The following ZRANB3 variants were observed in gnomAD, a reference collection of about 807,000 sequenced individuals.
The protein encoded by ZRANB3 is DNA annealing helicase and endonuclease ZRANB3.
A neutral mutation model predicts 133.8 loss-of-function variants in ZRANB3; 125 were observed. The observed-to-expected ratio is 0.93, with a 90% CI of 0.81 to 1.08. ZRANB3 has a LOEUF of 1.08. ZRANB3 is among the 50% of genes least tolerant of loss of function. The pLI, the probability that ZRANB3 is intolerant of heterozygous loss-of-function variation, is 0.00. For synonymous variants in ZRANB3, 387 were observed against 432.7 expected (o/e 0.89, Z 1.31); for missense variants, 1,229 against 1,275.5 (o/e 0.96, Z 0.56).
At chr2:135,283,907 G>A (rs755202168) in intron 8 of ZRANB3, among the ~76,000 whole-genome samples, 12 of 150,796 alleles carry the variant, frequency 8.0e-5, no homozygotes, top group Non-Finnish European at 1.5e-4. Flanking sequence ...GCTTGAGCCC[G>A]GAAGTTAGAG....
Position 135,347,421 on chromosome 2 carries a change from C to T in ZRANB3, c.592-1786G>A, listed in dbSNP as rs111514094. ...CATTCTCTTGCCTCAGCCTCCCGAG[C>T]AGCTGGGACTACAGGCGCCCACCAC... On this transcript the variant is annotated intron_variant, in intron 5 of 20. Coordinates refer to ENST00000264159, the MANE Select transcript of ZRANB3 (RefSeq NM_032143.4). Among the ~76,000 whole-genome samples the T allele has an allele frequency of 3.0e-3, 452 of 151,960 alleles. 3 individuals carry two copies. Among genetic ancestry groups the T allele is most frequent in the African/African-American group, 0.01 (421 of 41,462 alleles).
At chr2:135,459,712 A>G (rs1690682276) in intron 2 of ZRANB3, among the ~76,000 whole-genome samples, 1 of 152,216 alleles carries the variant, frequency 6.6e-6, no homozygotes, top group African/African-American at 2.4e-5. Context: ...TATGAAACAA[A>G]TCTTCTAACA....
At chr2:135,504,557 T>C in intron 1 of ZRANB3, 61 bp from the exon 2 acceptor site, 1 of 1,400,726 alleles carries the variant, frequency 7.1e-7, no homozygotes, top group Non-Finnish European at 9.6e-7. Flanking sequence ...ACTAAGTATG[T>C]TACAGAATCA....
At chr2:135,245,010 G>T (rs1488761877) in intron 12 of ZRANB3, among the ~76,000 whole-genome samples, 1 of 152,154 alleles carries the variant, frequency 6.6e-6, no homozygotes, top group Non-Finnish European at 1.5e-5. Flanking sequence ...GAAAACAAGG[G>T]AAAGGATAGA....
chr2:135,401,718 TG>T (rs1049864949), intron 2 of ZRANB3, among the ~76,000 whole-genome samples: 1 of 152,228 alleles, frequency 6.6e-6, no homozygotes, highest in Admixed American at 6.5e-5. Context: ...AGCTGCTTTG[TG>T]ATCTACTAGG....
intron 16 of ZRANB3, among the ~76,000 whole-genome samples, chr2:135,217,842 C>T (rs1337863750): frequency 6.6e-6 from 1 of 152,052 alleles, no homozygotes; most frequent in African/African-American, 2.4e-5. Flanking sequence ...TAGGGTCTTG[C>T]TCTGTTGTCC....
chr2:135,226,028 G>C (rs1461367552), intron 14 of ZRANB3, among the ~76,000 whole-genome samples: 1 of 152,206 alleles, frequency 6.6e-6, no homozygotes, highest in African/African-American at 2.4e-5. Context: ...GGATGATGTG[G>C]CCTGGCCTGG....
intron 2 of ZRANB3, among the ~76,000 whole-genome samples, chr2:135,476,397 A>C (rs1691499291): frequency 6.6e-6 from 1 of 152,204 alleles, no homozygotes; most frequent in South Asian, 2.1e-4. Context: ...CATTCCAGGG[A>C]AAGAAAAGTA....
intron 2 of ZRANB3, among the ~76,000 whole-genome samples, chr2:135,452,273 T>C (rs1690311167): frequency 6.6e-6 from 1 of 152,120 alleles, no homozygotes; most frequent in Non-Finnish European, 1.5e-5. Flanking sequence ...TACCTCCCCC[T>C]GGGTCCCTCC....
intron 5 of ZRANB3, among the ~76,000 whole-genome samples, chr2:135,348,882 C>T (rs1197648118): frequency 6.6e-6 from 1 of 152,152 alleles, no homozygotes; most frequent in East Asian, 1.9e-4. Flanking sequence ...GTATGAGCTA[C>T]TGAGTCCAGC....
intron 6 of ZRANB3, among the ~76,000 whole-genome samples, chr2:135,337,678 T>G (rs1230542273): frequency 6.6e-6 from 1 of 152,190 alleles, no homozygotes; most frequent in African/African-American, 2.4e-5. Flanking sequence ...GCAAATTAAT[T>G]ATGCCCCCAG....
intron 12 of ZRANB3, among the ~76,000 whole-genome samples, chr2:135,246,563 C>A (rs1695811442): frequency 6.6e-6 from 1 of 152,158 alleles, no homozygotes; most frequent in South Asian, 2.1e-4. Context: ...CTCCCTGCTC[C>A]TTAAAGAAGG....
At chr2:135,238,393 C>CTT (rs376967394) in intron 12 of ZRANB3, among the ~76,000 whole-genome samples, 2,585 of 138,478 alleles carry the variant, frequency 0.019, 86 homozygotes, top group African/African-American at 0.062. Flanking sequence ...TGCTGTGTGA[C>CTT]TTTTTTTTTT....
At chr2:135,355,365 T>C in intron 3 of ZRANB3, 1 of 730,802 alleles carries the variant, frequency 1.4e-6, no homozygotes, top group Non-Finnish European at 1.7e-6. Flanking sequence ...CAGATCTTTT[T>C]TTTTTTTTTT....
At chr2:135,264,206 C>A (rs1425507618) in intron 12 of ZRANB3, among the ~76,000 whole-genome samples, 2 of 151,548 alleles carry the variant, frequency 1.3e-5, no homozygotes, top group Admixed American at 1.3e-4. Flanking sequence ...GGCGCGGTGG[C>A]TCAAGCCTGT....
At chr2:135,231,922 T>C (rs1295219531) in intron 12 of ZRANB3, among the ~76,000 whole-genome samples, 1 of 152,156 alleles carries the variant, frequency 6.6e-6, no homozygotes, top group East Asian at 1.9e-4. Context: ...TTCATCTCAC[T>C]GGGGAGTGTC....
intron 2 of ZRANB3, among the ~76,000 whole-genome samples, chr2:135,426,571 T>C (rs1036474534): frequency 2.0e-5 from 3 of 151,828 alleles, no homozygotes; most frequent in African/African-American, 7.3e-5. Flanking sequence ...GGCTCATGCC[T>C]GTAATCCCAG....
At chr2:135,358,752 CAG>C (rs771413104) in intron 3 of ZRANB3, among the ~76,000 whole-genome samples, 16 of 152,110 alleles carry the variant, frequency 1.1e-4, no homozygotes, top group Admixed American at 3.3e-4. Context: ...TGGAAGCAAA[CAG>C]AAGGATAAAA....
intron 15 of ZRANB3, among the ~76,000 whole-genome samples, chr2:135,220,697 CA>C (rs1222053120): frequency 0.059 from 3,250 of 54,840 alleles, 74 homozygotes; most frequent in African/African-American, 0.16. Flanking sequence ...GACTCCATCT[CA>C]AAAAAAAAAA....
Sources: gnomAD v4.1 joint callset for allele counts (sites outside exome capture counted in the v4.1 genomes callset) on GRCh38, gnomAD v4.1.1 for gene constraint, MANE v1.5 for transcripts, NCBI Gene and HGNC (gene_info 2026-07-23, HGNC 2026-07-21) for gene names.